Variants in SLC20A1 observed in about 807,000 individuals in gnomAD.
SLC20A1 encodes the protein sodium-dependent phosphate transporter 1.
Under a neutral mutation model 62.7 loss-of-function variants are expected in SLC20A1, and 28 were observed. The observed-to-expected ratio is 0.45, with a 90% confidence interval of 0.33 to 0.61. SLC20A1 has a LOEUF of 0.61. Ranked by LOEUF, SLC20A1 falls within the 20% of genes least tolerant of loss-of-function variation. The pLI is 0.02. For missense variants in SLC20A1, 673 were observed against 838.6 expected, an observed-to-expected ratio of 0.80 and a Z score of 2.44; for synonymous variants, 305 against 302.9, an observed-to-expected ratio of 1.01 and a Z score of -0.07.
At chr2:112,653,544 A>G (rs778959356) in intron 5 of SLC20A1, among the ~76,000 whole-genome samples, 40 of 152,344 alleles carry the variant, frequency 2.6e-4, no homozygotes, top group Non-Finnish European at 5.0e-4. Context: ...ACTGTGACCC[A>G]CTGGATGAAA....
Position 112,658,971 on chromosome 2 carries a change from C to T in SLC20A1, c.925C>T (p.Gln309Ter), listed in dbSNP as rs762192682. 6.2e-7 allele frequency: 1 copy of T among 1,614,172 alleles called. No individual in the cohort carries two copies. ...GGTAGGGCCTGCCACTGTGCCCCTC[C>T]AGGCTGTGGTGGAGGAGAGAACAGT... The part of the protein sequence containing the change: ...SEVGPATVPL[Q>*]AVVEERTVSF... The change falls in exon 7 of 11, where the codon CAG becomes TAG. Residue 309 changes from glutamine to a stop codon, truncating the protein, a stop_gained. Transcript: ENST00000272542. LOFTEE classifies it high-confidence loss of function.
chr2:112,653,884 C>T (rs952937749), intron 5 of SLC20A1, among the ~76,000 whole-genome samples: 1 of 152,132 alleles, frequency 6.6e-6, no homozygotes, highest in Non-Finnish European at 1.5e-5. Flanking sequence ...CCTCTACCTC[C>T]CGGGTTCAAG....
chr2:112,649,790 T>A (rs1686386269), intron 4 of SLC20A1, among the ~76,000 whole-genome samples: 1 of 152,210 alleles, frequency 6.6e-6, no homozygotes, highest in Non-Finnish European at 1.5e-5. Context: ...GAAATATATT[T>A]AGGATGTCTT....
intron 10 of SLC20A1, 85 bp downstream of exon 10, chr2:112,661,311 AG>A: frequency 9.2e-7 from 1 of 1,081,414 alleles, no homozygotes; most frequent in Non-Finnish European, 1.4e-6. Context: ...ACTTTGATTT[AG>A]AAAGTTTTGT....
At chr2:112,662,197 C>T (rs539886072) in intron 10 of SLC20A1, among the ~76,000 whole-genome samples, 12 of 152,288 alleles carry the variant, frequency 7.9e-5, no homozygotes, top group South Asian at 6.2e-4. Flanking sequence ...GTTTGCTACC[C>T]GGATGTGTCT....
chr2:112,646,918 T>A lies in SLC20A1; in HGVS notation c.90T>A (p.Ile30=). The A allele has an allele frequency of 6.2e-7, 1 of 1,614,042 alleles. No individual in the cohort carries two copies. Among genetic ancestry groups the A allele is most frequent in the Non-Finnish European group, 8.5e-7 (1 of 1,179,990 alleles). The change falls in exon 2 of 11, where the codon ATT becomes ATA. Residue 30 remains isoleucine (I), a synonymous_variant. Transcript: ENST00000272542. ...TATGGATGCTCATCCTGGGCTTCAT[T>A]ATTGCATTTGTCTTGGCATTCTCCG... ...DYLWMLILGF[I]IAFVLAFSVG...
chr2:112,660,868 C>G (rs986293574), intron 9 of SLC20A1: 2 of 486,146 alleles, frequency 4.1e-6, no homozygotes, highest in African/African-American at 3.8e-5. Flanking sequence ...AGCTAAGACT[C>G]AATGTTTACC....
Position 112,657,147 on chromosome 2 carries a change from G to T in SLC20A1, c.684G>T (p.Leu228=). The T allele has an allele frequency of 6.2e-7, 1 of 1,613,824 alleles. No homozygotes were observed. The highest frequency in any genetic ancestry group is 8.5e-7 in the Non-Finnish European group (1 of 1,179,960). The change falls in exon 6 of 11, where the codon CTG becomes CTT. Residue 228 remains leucine, a synonymous_variant. Transcript: ENST00000272542. The part of the protein sequence containing the change: ...APLLGFDKLP[L]WGTILISVGC... ...TGCTGGGCTTTGACAAACTTCCTCT[G>T]TGGGGTACCATCCTCATCTCGGTGG...
chr2:112,658,717 A>T, intron 6 of SLC20A1, 108 bp from the exon 7 acceptor site: 1 of 1,213,284 alleles, frequency 8.2e-7, no homozygotes, highest in Non-Finnish European at 1.2e-6. Context: ...TGAAGTTCAC[A>T]TACATTCTTG....
Position 112,658,966 on chromosome 2 carries a change from C to G in SLC20A1, c.920C>G (p.Pro307Arg), listed in dbSNP as rs1014541509. Residue 307 changes from proline to arginine, a missense_variant, in exon 7 of 11, where the codon CCC becomes CGC. Pro to Arg is a moderately radical substitution (Grantham distance 103). Transcript: ENST00000272542. ...TCTGAGGTAGGGCCTGCCACTGTGC[C>G]CCTCCAGGCTGTGGTGGAGGAGAGA... ...PVSEVGPATV[P>R]LQAVVEERTV... The G allele has an allele frequency of 2.5e-6, 4 of 1,614,152 alleles. No individual in the cohort carries two copies. The highest frequency in any genetic ancestry group is 3.4e-6 in the Non-Finnish European group (4 of 1,180,040).
At chr2:112,647,617 T>G (rs748279925) in intron 3 of SLC20A1, 36 bp from the exon 4 acceptor site, 257 of 1,594,852 alleles carry the variant, frequency 1.6e-4, no homozygotes, top group Non-Finnish European at 2.1e-4. Context: ...CTGATTTTCA[T>G]TATTTGATAT....
intron 5 of SLC20A1, among the ~76,000 whole-genome samples, chr2:112,656,208 T>C (rs1005701463): frequency 4.1e-5 from 6 of 147,268 alleles, no homozygotes; most frequent in Non-Finnish European, 9.0e-5. Context: ...TTTTTTTTTT[T>C]TTTTTGAGAC....
intron 5 of SLC20A1, among the ~76,000 whole-genome samples, chr2:112,655,673 A>G (rs1686564805): frequency 6.6e-6 from 1 of 152,058 alleles, no homozygotes; most frequent in African/African-American, 2.4e-5. Context: ...TTAGATTTAA[A>G]TAGGATTGTA....
In SLC20A1 at chr2:112,657,229, A is replaced by G. The variant is rs764583377; in HGVS notation, c.766A>G (p.Arg256Gly). The G allele has an allele frequency of 1.2e-5, 19 of 1,613,500 alleles. No homozygotes were observed. Among genetic ancestry groups the G allele is most frequent in the Non-Finnish European group, 1.4e-5 (17 of 1,179,870 alleles). Residue 256 changes from arginine (R) to glycine (G), a missense_variant, in exon 6 of 11, where the codon AGA becomes GGA. By Grantham distance (125) the Arg-to-Gly change is moderately radical (BLOSUM62 -2). Transcript: ENST00000272542. The stretch of plus-strand genomic sequence containing the variant: ...GTTCTTTGTATGTCCCAGGATGAAG[A>G]GAAAAATTGAACGTAAGTAATAACT... ...VWFFVCPRMKRKIEREIKCSP... is the reference protein window; with the variant it reads ...VWFFVCPRMKGKIEREIKCSP...
intron 3 of SLC20A1, 49 bp downstream of exon 3, chr2:112,647,513 T>C (rs776193020): frequency 6.9e-6 from 11 of 1,600,568 alleles, no homozygotes; most frequent in Non-Finnish European, 8.5e-6. Context: ...CGTCATATGT[T>C]ACCATGGCAT....
chr2:112,650,235 C>T (rs201164127), intron 4 of SLC20A1, among the ~76,000 whole-genome samples: 19 of 151,982 alleles, frequency 1.3e-4, no homozygotes, highest in East Asian at 5.8e-4. Context: ...AATCATATTA[C>T]GAAATATCTT....
At chr2:112,662,521 A>C (rs557086304) in intron 10 of SLC20A1, among the ~76,000 whole-genome samples, 27 of 152,368 alleles carry the variant, frequency 1.8e-4, no homozygotes, top group African/African-American at 6.5e-4. Flanking sequence ...TGGAGGTTGC[A>C]GTGAGCCAAG....
Position 112,646,759 on chromosome 2 carries a change from C to T in SLC20A1, c.-70C>T, listed in dbSNP as rs1686290483. ...TTATTTATTATAGCATTTTTGATAC[C>T]TCATATTCTGTTTACACATCTTGAA... is the stretch of plus-strand genomic sequence containing the variant. On this transcript the variant is annotated 5_prime_UTR_variant, in exon 2 of 11. Coordinates refer to ENST00000272542, the MANE Select transcript of SLC20A1 (RefSeq NM_005415.5). The T allele has an allele frequency of 1.1e-6, 1 of 950,456 alleles. No homozygotes were observed. The highest frequency in any genetic ancestry group is 1.6e-6 in the Non-Finnish European group (1 of 615,628). 58.9% of individuals were successfully genotyped at this position (950,456 alleles called of 1,614,324 possible). A position where few individuals can be genotyped will look rare whatever the true frequency, so the allele number is the denominator to read the frequency against.
intron 5 of SLC20A1, among the ~76,000 whole-genome samples, chr2:112,655,531 T>G (rs1686560960): frequency 6.6e-6 from 1 of 151,796 alleles, no homozygotes; most frequent in Non-Finnish European, 1.5e-5. Context: ...GGGTTTTTTT[T>G]TTTTTTTTTT....
Sources: allele counts gnomAD v4.1 joint callset (sites outside exome capture counted in the v4.1 genomes callset), GRCh38; gene constraint gnomAD v4.1.1; transcripts MANE v1.5; gene names NCBI Gene and HGNC (gene_info 2026-07-23, HGNC 2026-07-21).